The following SPECC1 variants were observed in gnomAD, a reference collection of about 807,000 sequenced individuals.
The protein encoded by SPECC1 is sperm antigen with calponin homology and coiled-coil domains 1, also known as cytospin-B.
SPECC1 carries 62 observed loss-of-function variants against 104.1 expected under a neutral mutation model. The observed-to-expected ratio is 0.60, with a 90% confidence interval of 0.49 to 0.74. The LOEUF is 0.74. Among genes scored for constraint, SPECC1 ranks in the 30% least tolerant of loss-of-function variants. The pLI, the probability that SPECC1 is intolerant of heterozygous loss-of-function variation, is 0.00. For missense variants in SPECC1, 1,306 were observed against 1,310.5 expected (o/e 1.00, Z 0.05); for synonymous variants, 513 against 501.6 (o/e 1.02, Z -0.30).
At chr17:20,013,011 A>G (rs2043994568) in intron 1 of SPECC1, among the ~76,000 whole-genome samples, 1 of 152,214 alleles carries the variant, frequency 6.6e-6, no homozygotes, top group South Asian at 2.1e-4. Flanking sequence ...AGGTTCATCC[A>G]TGTTGTAGCA....
At position 20,159,766 on chromosome 17, in the gene SPECC1, G is replaced by A. The variant is rs566616340; in HGVS notation, c.284-44567G>A. Among the ~76,000 whole-genome samples, 4 of 152,332 alleles carry A rather than the reference G, an allele frequency of 2.6e-5. No individual in the cohort carries two copies. The South Asian group carries it at 8.3e-4, about 32-fold the overall frequency. ...TTTTCAGCCTGGGCAGAGAAAGTTG[G>A]TGACCACATCTCATGCTTCCTAAAA... On this transcript the variant is annotated intron_variant, in intron 3 of 14. Coordinates refer to ENST00000395527, the MANE Select transcript of SPECC1 (RefSeq NM_001243439.2).
At chr17:20,146,834 A>T (rs999652830) in intron 3 of SPECC1, among the ~76,000 whole-genome samples, 4 of 152,130 alleles carry the variant, frequency 2.6e-5, no homozygotes, top group African/African-American at 9.7e-5. Flanking sequence ...TGAACCCAGG[A>T]GGTGGAAGTT....
intron 1 of SPECC1, among the ~76,000 whole-genome samples, chr17:20,033,582 A>G (rs2044919035): frequency 6.6e-6 from 1 of 152,178 alleles, no homozygotes; most frequent in South Asian, 2.1e-4. Flanking sequence ...GGGAAGGGGA[A>G]CCAGTGAGAT....
At chr17:20,247,401 CGTGTGTGTAT>C in intron 9 of SPECC1, 82 bp downstream of exon 9, 1 of 942,288 alleles carries the variant, frequency 1.1e-6, no homozygotes, top group Non-Finnish European at 1.7e-6. Flanking sequence ...TATTAGTGTC[CGTGTGTGTAT>C]GTGTGTGTGT....
In SPECC1 at chr17:20,204,988, C is replaced by T. The variant is rs757631738; in HGVS notation, c.939C>T (p.Gly313=). ...NIHGNALRTS[G]SSSSDVTKAS... ...ATGGAAATGCATTACGGACATCAGG[C>T]TCCTCAAGTAGCGATGTTACCAAAG... The change falls in exon 4 of 15, where the codon GGC becomes GGT. Residue 313 remains glycine (G), a synonymous_variant. Coordinates refer to ENST00000395527, the MANE Select transcript of SPECC1 (RefSeq NM_001243439.2). The T allele has an allele frequency of 1.2e-6, 2 of 1,614,054 alleles. No homozygotes were observed. Among genetic ancestry groups the T allele is most frequent in the African/African-American group, 2.7e-5 (2 of 74,920 alleles).
At chr17:20,130,165 T>C (rs1177738139) in intron 3 of SPECC1, among the ~76,000 whole-genome samples, 1 of 152,214 alleles carries the variant, frequency 6.6e-6, no homozygotes, top group African/African-American at 2.4e-5. Flanking sequence ...GCAAAAGTTG[T>C]GAGACTTGGG....
chr17:20,065,255 G>A (rs191229437), intron 1 of SPECC1, among the ~76,000 whole-genome samples: 525 of 152,222 alleles, frequency 3.4e-3, no homozygotes, highest in African/African-American at 0.012. Flanking sequence ...CAACTCTGAC[G>A]CTGTCTACCT....
intron 1 of SPECC1, among the ~76,000 whole-genome samples, chr17:20,058,152 G>C (rs978048572): frequency 6.6e-6 from 1 of 152,010 alleles, no homozygotes; most frequent in Non-Finnish European, 1.5e-5. Context: ...GTCTTTATCA[G>C]CCTTATCAAA....
Position 20,204,996 on chromosome 17 carries a change from G to A in SPECC1, c.947G>A (p.Ser316Asn). The change falls in exon 4 of 15, where the codon AGT becomes AAT. Residue 316 changes from serine to asparagine, a missense_variant. By Grantham distance (46) the Ser-to-Asn change is conservative. Around this residue, in one of 2 missense-constraint regions of SPECC1, gnomAD observed 1,177 missense variants for 1,139.9 expected, o/e 1.03. Transcript: ENST00000395527. ...GCATTACGGACATCAGGCTCCTCAA[G>A]TAGCGATGTTACCAAAGCTTCTTTG... Reference protein sequence around the residue: ...GNALRTSGSSSSDVTKASLSP... With the variant: ...GNALRTSGSSNSDVTKASLSP... The A allele has an allele frequency of 6.2e-7, 1 of 1,614,180 alleles. No homozygotes were observed.
chr17:20,204,255 G>A (rs2151345297), intron 3 of SPECC1, 78 bp from the exon 4 acceptor site: 4 of 1,502,716 alleles, frequency 2.7e-6, no homozygotes, highest in Non-Finnish European at 3.6e-6. Context: ...ACTGTGCCAT[G>A]TGATTTACAG....
chr17:20,014,217 G>C (rs1942887946), intron 1 of SPECC1, among the ~76,000 whole-genome samples: 1 of 152,020 alleles, frequency 6.6e-6, no homozygotes, highest in South Asian at 2.1e-4. Context: ...CACTGTTTTG[G>C]TACCCTTAGT....
chr17:20,165,967 A>G (rs1423285312), intron 3 of SPECC1, among the ~76,000 whole-genome samples: 2 of 152,198 alleles, frequency 1.3e-5, no homozygotes, highest in Non-Finnish European at 2.9e-5. Flanking sequence ...ATAGCTTGCA[A>G]AAATGTTCTC....
chr17:20,195,310 A>C (rs1473793599), intron 3 of SPECC1, among the ~76,000 whole-genome samples: 1 of 152,190 alleles, frequency 6.6e-6, no homozygotes. Context: ...CACATTTGAT[A>C]AGGAAATTTT....
chr17:20,078,923 T>C (rs766692369), intron 1 of SPECC1, among the ~76,000 whole-genome samples: 10 of 152,194 alleles, frequency 6.6e-5, no homozygotes, highest in Non-Finnish European at 1.0e-4. Flanking sequence ...TGAGTCTGAA[T>C]TTGTGCATTT....
At chr17:20,085,128 C>T (rs2047127046) in intron 1 of SPECC1, among the ~76,000 whole-genome samples, 2 of 152,186 alleles carry the variant, frequency 1.3e-5, no homozygotes, top group Admixed American at 1.3e-4. Context: ...AGCATCCCTG[C>T]AGCTGCTGGT....
At chr17:20,127,217 A>G (rs572330463) in intron 3 of SPECC1, among the ~76,000 whole-genome samples, 44 of 152,272 alleles carry the variant, frequency 2.9e-4, no homozygotes, top group Non-Finnish European at 5.9e-4. Flanking sequence ...CAAATTGCAG[A>G]TTTTTTTGAA....
intron 1 of SPECC1, among the ~76,000 whole-genome samples, chr17:20,094,979 C>T (rs1436740635): frequency 6.6e-6 from 1 of 152,206 alleles, no homozygotes; most frequent in African/African-American, 2.4e-5. Flanking sequence ...TAAGTCATCT[C>T]CATGAGTCAG....
intron 4 of SPECC1, among the ~76,000 whole-genome samples, chr17:20,210,411 G>T (rs979016842): frequency 6.6e-6 from 1 of 152,212 alleles, no homozygotes; most frequent in African/African-American, 2.4e-5. Context: ...CCTGCCAGGG[G>T]TACAGGACAG....
At chr17:20,257,712 C>A in intron 11 of SPECC1, 105 bp downstream of exon 11, 2 of 1,430,762 alleles carry the variant, frequency 1.4e-6, no homozygotes, top group Non-Finnish European at 1.9e-6. Flanking sequence ...ACAAATATTT[C>A]CTGCATGAAA....
Sources: gnomAD v4.1 joint callset for allele counts (sites outside exome capture counted in the v4.1 genomes callset) on GRCh38, gnomAD v4.1.1 for gene constraint, gnomAD v4.1.1 regional missense constraint, MANE v1.5 for transcripts, NCBI Gene and HGNC (gene_info 2026-07-23, HGNC 2026-07-21) for gene names.